SAE1: variants seen among roughly 807,000 people sequenced by gnomAD.
SAE1 encodes the protein SUMO-activating enzyme subunit 1.
In SAE1, 11 loss-of-function variants were observed where a neutral mutation model predicts 40.6. The observed-to-expected ratio is 0.27, with a 90% CI of 0.17 to 0.45. The LOEUF is 0.45. Ranked by LOEUF, SAE1 falls within the 20% of genes least tolerant of loss-of-function variation. The probability of loss-of-function intolerance (pLI) is 1.00; values close to 1 mark genes in which losing one functional copy is unlikely to be tolerated. For synonymous variants in SAE1, 155 were observed against 154.3 expected (o/e 1.00, Z -0.03); for missense variants, 373 against 427.3 (o/e 0.87, Z 1.12).
chr19:47,164,368 C>T (rs543683832), intron 5 of SAE1, among the ~76,000 whole-genome samples: 1 of 152,018 alleles, frequency 6.6e-6, no homozygotes, highest in African/African-American at 2.4e-5. Context: ...CGGGTTTCAC[C>T]GTGTTAGCTA....
intron 1 of SAE1, among the ~76,000 whole-genome samples, chr19:47,133,924 A>T (rs938597526): frequency 6.7e-6 from 1 of 149,060 alleles, no homozygotes; most frequent in African/African-American, 2.5e-5. Context: ...GTGCAGTGGC[A>T]TGGTCTCGGC....
chr19:47,177,504 G>T (rs976430707), intron 6 of SAE1, among the ~76,000 whole-genome samples: 3 of 152,082 alleles, frequency 2.0e-5, no homozygotes, highest in Non-Finnish European at 4.4e-5. Flanking sequence ...GACTACAGGC[G>T]TGTGCCACCA....
chr19:47,155,060 C>T lies in SAE1; in HGVS notation c.528-54C>T, dbSNP rs1427126379. The stretch of plus-strand genomic sequence containing the variant: ...GACCTGGAGAGGCTTTTTTTGATTC[C>T]AATAACATGATTCCTAGGGTAAAAT... On this transcript the variant is annotated intron_variant, in intron 4 of 8. Coordinates refer to ENST00000270225, the MANE Select transcript of SAE1 (RefSeq NM_005500.3). The T allele has an allele frequency of 2.6e-6, 3 of 1,149,456 alleles. No individual in the cohort carries two copies. The African/African-American group carries it at 4.7e-5, about 18-fold the overall frequency. 71.2% of individuals were successfully genotyped at this position (1,149,456 alleles called of 1,614,324 possible). A position where few individuals can be genotyped will look rare whatever the true frequency, so the allele number is the denominator to read the frequency against.
At position 47,161,246 on chromosome 19, in the gene SAE1, A is replaced by G. The variant is rs1232806821; in HGVS notation, c.627+6033A>G. Among the ~76,000 whole-genome samples, 5 of 150,996 alleles carry G rather than the reference A, an allele frequency of 3.3e-5. No homozygotes were observed. In the East Asian group the frequency reaches 7.8e-4, roughly 24 times the overall value. ...GGCTGATCTCAAACTCCTGGCCTCA[A>G]GTGATCCTCTTGCCTTGGCCTCTCA... On this transcript the variant is annotated intron_variant, in intron 5 of 8. Transcript: ENST00000270225.
Position 47,137,353 on chromosome 19 carries a change from A to G in SAE1, c.99-6141A>G, listed in dbSNP as rs528231624. On this transcript the variant is annotated intron_variant, in intron 1 of 8. Transcript: ENST00000270225. Reference sequence around the variant, plus strand: ...TAGTGAGCCAAGGTCACACTATCGCACTCCAGCCTGGGTGACAAGAGCGAA... The same window carrying G: ...TAGTGAGCCAAGGTCACACTATCGCGCTCCAGCCTGGGTGACAAGAGCGAA... Among the ~76,000 whole-genome samples the G allele has an allele frequency of 1.4e-3, 217 of 152,214 alleles. 2 individuals are homozygous for G. Among genetic ancestry groups the G allele is most frequent in the African/African-American group, 5.1e-3 (213 of 41,524 alleles).
At chr19:47,173,806 A>G (rs886139115) in intron 6 of SAE1, among the ~76,000 whole-genome samples, 30 of 142,678 alleles carry the variant, frequency 2.1e-4, no homozygotes, top group Non-Finnish European at 3.6e-4. Flanking sequence ...TTTTTTTGAG[A>G]CGGAGTCTCT....
rs144882876 is a variant in SAE1, at chr19:47,197,362, C to T, written c.863C>T (p.Pro288Leu). The change falls in exon 7 of 9, where the codon CCT becomes CTT. Residue 288 changes from proline to leucine, a missense_variant. By Grantham distance (98) the Pro-to-Leu change is moderately conservative. Transcript: ENST00000270225. ...CTGGGTATTAGTCCTGACCTGCTTC[C>T]TGAGGACTTTGTCAGGTTGGTGTCA... is the stretch of plus-strand genomic sequence containing the variant. ...DSLGISPDLL[P>L]EDFVRYCFSE... 3.1e-6 allele frequency: 5 copies of T among 1,612,688 alleles called. No homozygotes were observed. Among genetic ancestry groups the T allele is most frequent in the African/African-American group, 1.3e-5 (1 of 74,820 alleles).
chr19:47,162,723 G>T (rs1466017040), intron 5 of SAE1, among the ~76,000 whole-genome samples: 1 of 152,140 alleles, frequency 6.6e-6, no homozygotes, highest in Non-Finnish European at 1.5e-5. Context: ...GGGTGCAGTG[G>T]CTCATGCCTG....
At chr19:47,198,691 T>C (rs1457862138) in intron 7 of SAE1, among the ~76,000 whole-genome samples, 2 of 152,170 alleles carry the variant, frequency 1.3e-5, no homozygotes, top group African/African-American at 4.8e-5. Context: ...TAGTCCTTTC[T>C]TTGTTGACTT....
chr19:47,139,471 C>T (rs550213631), intron 1 of SAE1, among the ~76,000 whole-genome samples: 9 of 152,146 alleles, frequency 5.9e-5, no homozygotes, highest in Non-Finnish European at 1.2e-4. Context: ...CAGGTGTGAC[C>T]CACTGCGTCC....
At chr19:47,131,995 C>T (rs2058147033) in intron 1 of SAE1, among the ~76,000 whole-genome samples, 1 of 151,944 alleles carries the variant, frequency 6.6e-6, no homozygotes, top group East Asian at 1.9e-4. Flanking sequence ...GCCACCGCGC[C>T]AGGACGTCTT....
At chr19:47,147,111 C>T (rs1373992146) in intron 2 of SAE1, among the ~76,000 whole-genome samples, 1 of 150,114 alleles carries the variant, frequency 6.7e-6, no homozygotes, top group African/African-American at 2.5e-5. Context: ...CAAATTGAGA[C>T]TAGAATGTGT....
chr19:47,174,053 G>T (rs1158720199), intron 6 of SAE1, among the ~76,000 whole-genome samples: 5 of 151,894 alleles, frequency 3.3e-5, no homozygotes, highest in African/African-American at 9.7e-5. Flanking sequence ...CAAAGTGCTG[G>T]GATTACAGAC....
Position 47,169,825 on chromosome 19 carries a change from T to C in SAE1, c.635T>C (p.Val212Ala), listed in dbSNP as rs750632593. The stretch of plus-strand genomic sequence containing the variant: ...TCTGCCTTTTTTCCACAGAAGGTGG[T>C]CTTCTGCCCTGTTAAAGAAGCCCTG... ...SETTMVKKKVVFCPVKEALEV... is the reference protein window; with the variant it reads ...SETTMVKKKVAFCPVKEALEV... Residue 212 changes from valine to alanine, a missense_variant, in exon 6 of 9, where the codon GTC becomes GCC. Around this residue, in one of 3 missense-constraint regions of SAE1, gnomAD observed 351 missense variants for 390.6 expected, o/e 0.90. Transcript: ENST00000270225. 2 of 1,612,598 alleles carry C rather than the reference T, an allele frequency of 1.2e-6. No individual in the cohort carries two copies. Among genetic ancestry groups the C allele is most frequent in the African/African-American group, 1.3e-5 (1 of 74,906 alleles).
At chr19:47,206,387 A>C (rs1384861534) in intron 8 of SAE1, among the ~76,000 whole-genome samples, 1 of 152,100 alleles carries the variant, frequency 6.6e-6, no homozygotes, top group African/African-American at 2.4e-5. Context: ...AGGGCCTCAG[A>C]CTCACCTTTC....
At position 47,210,438 on chromosome 19, in the gene SAE1, TATAATA is replaced by T. The variant is rs1246338215; in HGVS notation, c.*1192_*1197del. ...AGTGGCTATTTTCAGTGGCAAGAAT[TATAATA>T]ATAAAGGGAAGTCAAAAGTGATGCT... On this transcript the variant is annotated 3_prime_UTR_variant, in exon 9 of 9. Coordinates refer to ENST00000270225, the MANE Select transcript of SAE1 (RefSeq NM_005500.3). 1 of 152,172 alleles carries T rather than the reference TATAATA, an allele frequency of 6.6e-6. No individual in the cohort carries two copies. Among genetic ancestry groups the T allele is most frequent in the Non-Finnish European group, 1.5e-5 (1 of 68,024 alleles). 9.4% of individuals were successfully genotyped at this position (152,172 alleles called of 1,614,324 possible). A position where few individuals can be genotyped will look rare whatever the true frequency, so the allele number is the denominator to read the frequency against.
At position 47,147,216 on chromosome 19, in the gene SAE1, T is replaced by C. The variant is rs1045694780; in HGVS notation, c.211-2986T>C. Among the ~76,000 whole-genome samples the C allele has an allele frequency of 4.3e-5, 6 of 141,150 alleles. No individual in the cohort carries two copies. In the South Asian group the frequency reaches 7.1e-4, roughly 17 times the overall value. 92.6% of individuals were successfully genotyped at this position (141,150 alleles called of 152,430 possible). On this transcript the variant is annotated intron_variant, in intron 2 of 8. Transcript: ENST00000270225. ...GTGTATGGGTTTTTTTTTTTTTTTTTTTTTTTTTTTTGAGGCAGTCTCACT... is the reference window on the plus strand; with the variant it reads ...GTGTATGGGTTTTTTTTTTTTTTTTCTTTTTTTTTTTGAGGCAGTCTCACT...
intron 8 of SAE1, among the ~76,000 whole-genome samples, chr19:47,204,355 G>A (rs1005538376): frequency 1.2e-4 from 18 of 150,946 alleles, no homozygotes; most frequent in Non-Finnish European, 1.9e-4. Context: ...CTGCCACCAC[G>A]CCCAGCTAAT....
At chr19:47,209,022 A>T in intron 8 of SAE1, 137 bp from the exon 9 acceptor site, 1 of 677,914 alleles carries the variant, frequency 1.5e-6, no homozygotes, top group South Asian at 1.9e-5. Context: ...TTGTCTCCAG[A>T]CATTGCCAAA....
Sources: allele counts gnomAD v4.1 joint callset (sites outside exome capture counted in the v4.1 genomes callset), GRCh38; gene constraint gnomAD v4.1.1; regional missense constraint gnomAD v4.1.1; transcripts MANE v1.5; gene names NCBI Gene and HGNC (gene_info 2026-07-23, HGNC 2026-07-21).